Variants in FAM227B observed in about 807,000 individuals in gnomAD.
FAM227B encodes family with sequence similarity 227 member B.
In FAM227B, 88 loss-of-function variants were observed where a neutral mutation model predicts 73.8. That is an observed-to-expected ratio of 1.19 (90% CI 1.00 to 1.42). The LOEUF (loss-of-function observed/expected upper bound fraction) is 1.42, where lower values mean the gene tolerates loss of function less well. Ranked by LOEUF, FAM227B falls within the 40% of genes most tolerant of loss-of-function variation. The probability of loss-of-function intolerance (pLI) is 0.00; values close to 1 mark genes in which losing one functional copy is unlikely to be tolerated. For synonymous variants in FAM227B, 210 were observed against 190.5 expected (o/e 1.10, Z -0.84); for missense variants, 632 against 590.9 (o/e 1.07, Z -0.72).
chr15:49,564,952 C>T (rs530832300), intron 9 of FAM227B, among the ~76,000 whole-genome samples: 2 of 152,170 alleles, frequency 1.3e-5, no homozygotes, highest in Admixed American at 1.3e-4. Flanking sequence ...TGCACGTGCA[C>T]TCCCTGAACC....
intron 9 of FAM227B, among the ~76,000 whole-genome samples, chr15:49,556,373 C>G (rs2073683275): frequency 6.6e-6 from 1 of 152,174 alleles, no homozygotes; most frequent in African/African-American, 2.4e-5. Context: ...GCAGGGTGCT[C>G]TAACTCTGGA....
rs550782575 is a variant in FAM227B at position 49,600,365 on chromosome 15, T to A, written c.106-10358A>T. ...TTCTTTCTTTCTTTTTTTTTTTTTTTAAATCCGGCCAGGCATGGTGGCTCA... is the reference window on the plus strand; with the variant it reads ...TTCTTTCTTTCTTTTTTTTTTTTTTAAAATCCGGCCAGGCATGGTGGCTCA... On this transcript the variant is annotated intron_variant, in intron 3 of 15. Coordinates refer to ENST00000299338, the MANE Select transcript of FAM227B (RefSeq NM_152647.3). Among the ~76,000 whole-genome samples the A allele has an allele frequency of 1.7e-4, 26 of 149,446 alleles. 1 individual carries two copies. The East Asian group carries it at 2.4e-3, about 14-fold the overall frequency.
At chr15:49,589,019 A>G (rs1328671382) in intron 4 of FAM227B, among the ~76,000 whole-genome samples, 1 of 152,080 alleles carries the variant, frequency 6.6e-6, no homozygotes, top group Non-Finnish European at 1.5e-5. Flanking sequence ...AAATTTGCCC[A>G]TTAAATCAAG....
chr15:49,583,248 G>A (rs2075928094), intron 5 of FAM227B, among the ~76,000 whole-genome samples: 1 of 151,006 alleles, frequency 6.6e-6, no homozygotes, highest in African/African-American at 2.4e-5. Flanking sequence ...GACTAATAAA[G>A]AGGAAAACAG....
Position 49,611,818 on chromosome 15 carries a change from G to A in FAM227B, c.52-550C>T, listed in dbSNP as rs1457886672. ...ACAACTTTCTCCTTTTCGCCTTAGAGACTTTGCCTACATTCTTCCTTCTGC... is the reference window on the plus strand; with the variant it reads ...ACAACTTTCTCCTTTTCGCCTTAGAAACTTTGCCTACATTCTTCCTTCTGC... On this transcript the variant is annotated intron_variant, in intron 2 of 15. Coordinates refer to ENST00000299338, the MANE Select transcript of FAM227B (RefSeq NM_152647.3). 2.6e-5 allele frequency among the ~76,000 whole-genome samples: 4 copies of A among 152,222 alleles called. No homozygotes were observed. In the East Asian group the frequency reaches 7.7e-4, roughly 29 times the overall value.
chr15:49,534,731 A>C (rs2152243004), intron 10 of FAM227B, among the ~76,000 whole-genome samples: 1 of 152,010 alleles, frequency 6.6e-6, no homozygotes, highest in East Asian at 1.9e-4. Context: ...AAATTCAAGA[A>C]GTTTGAAATC....
intron 11 of FAM227B, among the ~76,000 whole-genome samples, chr15:49,399,345 T>C (rs944262333): frequency 4.7e-5 from 7 of 149,298 alleles, no homozygotes; most frequent in South Asian, 4.5e-4. Context: ...TCTGAAATTG[T>C]AGCAATAATC....
At chr15:49,332,966 C>G (rs982363188) in intron 14 of FAM227B, among the ~76,000 whole-genome samples, 3 of 151,644 alleles carry the variant, frequency 2.0e-5, no homozygotes, top group African/African-American at 7.3e-5. Context: ...TTGCTGATTG[C>G]TCTTTAGGCT....
intron 10 of FAM227B, among the ~76,000 whole-genome samples, chr15:49,509,311 C>A (rs2058807294): frequency 6.6e-6 from 1 of 152,118 alleles, no homozygotes; most frequent in African/African-American, 2.4e-5. Context: ...CTAGGAAGTG[C>A]AGTCCTTCTA....
chr15:49,463,039 T>A (rs1597359797), intron 11 of FAM227B, among the ~76,000 whole-genome samples: 1 of 152,148 alleles, frequency 6.6e-6, no homozygotes, highest in African/African-American at 2.4e-5. Context: ...AGATTCAGGA[T>A]CTATATGAAC....
chr15:49,392,979 A>G (rs2047316569), intron 11 of FAM227B, among the ~76,000 whole-genome samples: 1 of 152,150 alleles, frequency 6.6e-6, no homozygotes, highest in African/African-American at 2.4e-5. Context: ...TTTTTGTAAT[A>G]GCAACAGGAA....
At chr15:49,481,934 A>G (rs2055984734) in intron 11 of FAM227B, among the ~76,000 whole-genome samples, 1 of 152,168 alleles carries the variant, frequency 6.6e-6, no homozygotes, top group Non-Finnish European at 1.5e-5. Flanking sequence ...TTAAATCCCA[A>G]TGACATGAAT....
At chr15:49,331,442 G>A (rs2038729394) in intron 15 of FAM227B, 1 of 238,390 alleles carries the variant, frequency 4.2e-6, no homozygotes. Flanking sequence ...CACAGCTGTT[G>A]GTACCCAATA....
chr15:49,540,560 T>C (rs2152269288), intron 10 of FAM227B, among the ~76,000 whole-genome samples: 1 of 152,310 alleles, frequency 6.6e-6, no homozygotes, highest in Admixed American at 6.5e-5. Context: ...GCTCATATCA[T>C]TTATCTCTCC....
chr15:49,513,813 T>A (rs1412575924), intron 10 of FAM227B, among the ~76,000 whole-genome samples: 2 of 152,186 alleles, frequency 1.3e-5, no homozygotes, highest in African/African-American at 4.8e-5. Context: ...GTTTTCTGCA[T>A]ATGGCTAGCC....
intron 9 of FAM227B, among the ~76,000 whole-genome samples, chr15:49,564,821 G>C (rs903077735): frequency 1.1e-4 from 17 of 151,772 alleles, no homozygotes; most frequent in African/African-American, 4.1e-4. Context: ...GAGAACAATA[G>C]ACACTGGGGA....
chr15:49,461,117 C>A (rs1045887082), intron 11 of FAM227B, among the ~76,000 whole-genome samples: 1 of 152,098 alleles, frequency 6.6e-6, no homozygotes, highest in Non-Finnish European at 1.5e-5. Flanking sequence ...ATATCTCTTC[C>A]ATCCTGATGA....
chr15:49,390,903 C>T (rs1360040967), intron 11 of FAM227B, among the ~76,000 whole-genome samples: 1 of 151,982 alleles, frequency 6.6e-6, no homozygotes, highest in Non-Finnish European at 1.5e-5. Context: ...AGCCTAACAA[C>T]CGAGACACTG....
intron 10 of FAM227B, among the ~76,000 whole-genome samples, chr15:49,516,298 T>A (rs980760507): frequency 6.6e-6 from 1 of 152,132 alleles, no homozygotes; most frequent in African/African-American, 2.4e-5. Flanking sequence ...GGGCAACTTC[T>A]CTTTTATCCG....
Sources: gnomAD v4.1 joint callset for allele counts (sites outside exome capture counted in the v4.1 genomes callset) on GRCh38, gnomAD v4.1.1 for gene constraint, MANE v1.5 for transcripts, NCBI Gene and HGNC (gene_info 2026-07-23, HGNC 2026-07-21) for gene names.